The following C8orf34 variants were observed in gnomAD, a reference collection of about 807,000 sequenced individuals.
C8orf34 encodes uncharacterized protein C8orf34.
In C8orf34, 65 loss-of-function variants were observed where a neutral mutation model predicts 68.3. The ratio of observed to expected loss-of-function variants is 0.95; its 90% CI spans 0.78 to 1.17. The LOEUF is 1.17. Ranked by LOEUF, C8orf34 falls within the 50% of genes most tolerant of loss-of-function variation. C8orf34 has a pLI of 0.00. For synonymous variants in C8orf34, 244 were observed against 241.2 expected, an observed-to-expected ratio of 1.01 and a Z score of -0.11; for missense variants, 664 against 655.4, an observed-to-expected ratio of 1.01 and a Z score of -0.14.
At chr8:68,525,982 A>G in intron 6 of C8orf34, 1 of 261,288 alleles carries the variant, frequency 3.8e-6, no homozygotes, top group South Asian at 3.4e-5. Context: ...TTTTTGAGAC[A>G]GAGTCTCACT....
chr8:68,722,489 C>T (rs1821704188), intron 10 of C8orf34, among the ~76,000 whole-genome samples: 1 of 151,996 alleles, frequency 6.6e-6, no homozygotes, highest in Admixed American at 6.6e-5. Context: ...GTAAAAGGCA[C>T]CAAGTTTTCC....
intron 8 of C8orf34, among the ~76,000 whole-genome samples, chr8:68,696,576 A>G (rs1820842303): frequency 6.6e-6 from 1 of 151,814 alleles, no homozygotes; most frequent in Non-Finnish European, 1.5e-5. Context: ...CAATATCTAT[A>G]TATAGTTTAT....
chr8:68,733,761 A>G (rs1822049278), intron 10 of C8orf34, among the ~76,000 whole-genome samples: 1 of 152,220 alleles, frequency 6.6e-6, no homozygotes, highest in African/African-American at 2.4e-5. Context: ...CAAGAATCTT[A>G]TAAATTAGAA....
At chr8:68,614,805 G>T (rs566766574) in intron 7 of C8orf34, among the ~76,000 whole-genome samples, 1 of 139,272 alleles carries the variant, frequency 7.2e-6, no homozygotes, top group African/African-American at 2.7e-5. Flanking sequence ...CTTTAAAGTA[G>T]TTTTTTCCAA....
intron 4 of C8orf34, among the ~76,000 whole-genome samples, chr8:68,476,094 A>T (rs112245090): frequency 0.018 from 2,719 of 152,336 alleles, 83 homozygotes; most frequent in African/African-American, 0.062. Flanking sequence ...GAGTGATAGA[A>T]TAACTATGCA....
At chr8:68,720,355 A>T (rs1398536765) in intron 9 of C8orf34, among the ~76,000 whole-genome samples, 4 of 151,916 alleles carry the variant, frequency 2.6e-5, no homozygotes, top group Non-Finnish European at 5.9e-5. Context: ...ATGATTTATT[A>T]TGGATTTGGG....
intron 8 of C8orf34, among the ~76,000 whole-genome samples, 172 bp downstream of exon 8, chr8:68,640,683 C>G (rs951962766): frequency 6.6e-6 from 1 of 152,180 alleles, no homozygotes; most frequent in Non-Finnish European, 1.5e-5. Context: ...GTGCCCAGTG[C>G]CACTCAGACC....
At chr8:68,743,875 G>A (rs1822386910) in intron 10 of C8orf34, among the ~76,000 whole-genome samples, 1 of 152,234 alleles carries the variant, frequency 6.6e-6, no homozygotes, top group African/African-American at 2.4e-5. Flanking sequence ...ACTGAGTGGA[G>A]CCCACCACAG....
chr8:68,517,193 A>T (rs1421320022), intron 5 of C8orf34, among the ~76,000 whole-genome samples: 2 of 152,170 alleles, frequency 1.3e-5, no homozygotes, highest in Non-Finnish European at 2.9e-5. Flanking sequence ...AAGTGTTTAG[A>T]ACTGCTGTCT....
chr8:68,618,169 T>A (rs1351172426), intron 7 of C8orf34, among the ~76,000 whole-genome samples: 1 of 152,172 alleles, frequency 6.6e-6, no homozygotes, highest in African/African-American at 2.4e-5. Flanking sequence ...ATGGTCTCTC[T>A]CTTTTTTCTT....
chr8:68,502,136 G>A (rs186276035), intron 5 of C8orf34, among the ~76,000 whole-genome samples: 16 of 152,248 alleles, frequency 1.1e-4, no homozygotes, highest in Non-Finnish European at 2.1e-4. Context: ...CGTGATCTCA[G>A]CTCACTGTAA....
At chr8:68,616,127 G>A (rs1013755570) in intron 7 of C8orf34, among the ~76,000 whole-genome samples, 13 of 150,926 alleles carry the variant, frequency 8.6e-5, no homozygotes, top group South Asian at 2.1e-4. Flanking sequence ...CTGTGGGATC[G>A]GTGGTGATAT....
At chr8:68,424,384 C>G (rs1289771511) in intron 1 of C8orf34, among the ~76,000 whole-genome samples, 2 of 152,048 alleles carry the variant, frequency 1.3e-5, no homozygotes, top group Non-Finnish European at 2.9e-5. Flanking sequence ...TTTGAGTCTA[C>G]TAACATATTA....
rs1025851890 is a variant in C8orf34 at position 68,600,262 on chromosome 8, A to G, written c.1106-40114A>G. Among the ~76,000 whole-genome samples, 8 of 152,130 alleles carry G rather than the reference A, an allele frequency of 5.3e-5. No individual in the cohort carries two copies. The South Asian group carries it at 8.3e-4, about 16-fold the overall frequency. ...AATTGTACTCTCATTCAAGCCCTTT[A>G]TCCTTTCAACCTTTAAAATATAATT... is the stretch of plus-strand genomic sequence containing the variant. On this transcript the variant is annotated intron_variant, in intron 7 of 13. Transcript: ENST00000518698.
intron 12 of C8orf34, among the ~76,000 whole-genome samples, chr8:68,789,777 A>T (rs1823940765): frequency 6.6e-6 from 1 of 152,218 alleles, no homozygotes; most frequent in African/African-American, 2.4e-5. Flanking sequence ...AAATAAAACA[A>T]AATAACTATT....
In C8orf34 at chr8:68,435,077, C is replaced by T. The variant is rs186541516; in HGVS notation, c.328-4422C>T. Among the ~76,000 whole-genome samples, 1,043 of 149,450 alleles carry T rather than the reference C, an allele frequency of 7.0e-3. 14 individuals are homozygous for T. Among genetic ancestry groups the T allele is most frequent in the African/African-American group, 0.025 (1,000 of 40,788 alleles). ...AAAAAAAAAAAAGAGAATATTGATT[C>T]ATTTTATTATCAGAAAATATAAGCC... On this transcript the variant is annotated intron_variant, in intron 1 of 13. Transcript: ENST00000518698.
chr8:68,476,733 T>C (rs557132652), intron 4 of C8orf34, among the ~76,000 whole-genome samples: 5 of 152,290 alleles, frequency 3.3e-5, no homozygotes, highest in African/African-American at 1.2e-4. Context: ...AAGATATATG[T>C]AACATATATC....
chr8:68,411,609 T>C (rs1377787160), intron 1 of C8orf34, among the ~76,000 whole-genome samples: 1 of 152,214 alleles, frequency 6.6e-6, no homozygotes, highest in Non-Finnish European at 1.5e-5. Flanking sequence ...ATCAAACATA[T>C]ATAAATCTTC....
intron 5 of C8orf34, among the ~76,000 whole-genome samples, chr8:68,509,605 A>G (rs2129633209): frequency 6.6e-6 from 1 of 152,274 alleles, no homozygotes; most frequent in Non-Finnish European, 1.5e-5. Context: ...ACCACGGAGG[A>G]GAAATAAAAA....
Sources: gnomAD v4.1 joint callset for allele counts (sites outside exome capture counted in the v4.1 genomes callset) on GRCh38, gnomAD v4.1.1 for gene constraint, MANE v1.5 for transcripts, NCBI Gene and HGNC (gene_info 2026-07-23, HGNC 2026-07-21) for gene names.